Variants in NOTCH2NLC observed in about 807,000 individuals in gnomAD.
NOTCH2NLC encodes the protein notch 2 N-terminal like C, also known as notch homolog 2 N-terminal-like protein C.
In NOTCH2NLC, 4 loss-of-function variants were observed where a neutral mutation model predicts 17.7. That is an observed-to-expected ratio of 0.23 (90% CI 0.11 to 0.52). The LOEUF is 0.52. NOTCH2NLC is among the 20% of genes least tolerant of loss of function. NOTCH2NLC has a pLI of 0.96. For missense variants in NOTCH2NLC, 57 were observed against 207.2 expected, an observed-to-expected ratio of 0.28 and a Z score of 4.45; for synonymous variants, 18 against 86.0, an observed-to-expected ratio of 0.21 and a Z score of 4.38.
chr1:149,457,691 C>T (rs2084621441), intron 3 of NOTCH2NLC, among the ~76,000 whole-genome samples: 1 of 147,156 alleles, frequency 6.8e-6, no homozygotes, highest in East Asian at 2.0e-4. Flanking sequence ...GGGCAGGAAA[C>T]ATCCAGCACG....
Position 149,417,267 on chromosome 1 carries a change from G to A in NOTCH2NLC, c.136-13675G>A, listed in dbSNP as rs1317886306. 2.6e-3 allele frequency among the ~76,000 whole-genome samples: 391 copies of A among 150,240 alleles called. 10 individuals carry two copies. Among genetic ancestry groups the A allele is most frequent in the African/African-American group, 9.1e-3 (374 of 41,016 alleles). On this transcript the variant is annotated intron_variant, in intron 1 of 4. Transcript: ENST00000650865. Reference sequence around the variant, plus strand: ...TGGGATTACAGGTGCCCGCCACCACGCCCGCTAATTTTTTGTATTTTCAGT... The same window carrying A: ...TGGGATTACAGGTGCCCGCCACCACACCCGCTAATTTTTTGTATTTTCAGT...
At chr1:149,414,466 G>A (rs1437085174) in intron 1 of NOTCH2NLC, among the ~76,000 whole-genome samples, 2 of 150,636 alleles carry the variant, frequency 1.3e-5, no homozygotes, top group Admixed American at 1.3e-4. Context: ...GAGCGCATAT[G>A]TATCCTACTT....
chr1:149,466,539 G>A lies in NOTCH2NLC; in HGVS notation c.*2386G>A, dbSNP rs1365858587. 6.7e-6 allele frequency: 1 copy of A among 149,802 alleles called. No homozygotes were observed. Among genetic ancestry groups the A allele is most frequent in the Non-Finnish European group, 1.5e-5 (1 of 67,122 alleles). 9.3% of individuals were successfully genotyped at this position (149,802 alleles called of 1,614,324 possible). ...AATATTCAGTTCATTTCCACAAAGG[G>A]AAATAGTGCCTAGAGATGGTTTTCT... On this transcript the variant is annotated 3_prime_UTR_variant, in exon 5 of 5. Transcript: ENST00000650865.
At chr1:149,455,958 AAAAC>A (rs1410843060) in intron 3 of NOTCH2NLC, among the ~76,000 whole-genome samples, 3 of 129,928 alleles carry the variant, frequency 2.3e-5, no homozygotes, top group African/African-American at 5.8e-5. Flanking sequence ...GAATAAAAAT[AAAAC>A]AAAATTAGTC....
At chr1:149,437,697 T>G (rs2084490465) in intron 2 of NOTCH2NLC, among the ~76,000 whole-genome samples, 1 of 150,796 alleles carries the variant, frequency 6.6e-6, no homozygotes, top group Admixed American at 6.6e-5. Context: ...TCTCCTGACC[T>G]CATGATCTGC....
intron 1 of NOTCH2NLC, among the ~76,000 whole-genome samples, chr1:149,413,763 G>C (rs2084312994): frequency 6.6e-6 from 1 of 151,156 alleles, no homozygotes; most frequent in African/African-American, 2.4e-5. Flanking sequence ...TTAGGTGGGT[G>C]ATTTTGGTTT....
In NOTCH2NLC at chr1:149,390,834, G is replaced by GAGGCGGCGACCGAGA; in HGVS notation, c.50_64dup (p.Gly17_Glu21dup). ...GGCGGCGGCGGCGGCGGCGGCGGAG[G>GAGGCGGCGACCGAGA]AGGCGGCGACCGAGAAGATGCCCGC... On this transcript the variant is annotated inframe_insertion, in exon 1 of 5. Coordinates refer to ENST00000650865, the MANE Select transcript of NOTCH2NLC (RefSeq NM_001364013.2). 2 of 1,347,728 alleles carry GAGGCGGCGACCGAGA rather than the reference G, an allele frequency of 1.5e-6. No homozygotes were observed. The highest frequency in any genetic ancestry group is 1.9e-6 in the Non-Finnish European group (2 of 1,051,748). The allele number at this position is 1,347,728 out of a possible 1,614,324, so 83.5% of individuals were successfully genotyped here. A position where few individuals can be genotyped will look rare whatever the true frequency, so the allele number is the denominator to read the frequency against.
intron 1 of NOTCH2NLC, among the ~76,000 whole-genome samples, chr1:149,416,131 A>G (rs1280088903): frequency 8.9e-6 from 1 of 111,998 alleles, no homozygotes; most frequent in Non-Finnish European, 1.8e-5. Flanking sequence ...GATAAAATTT[A>G]TACTTTTAAT....
At chr1:149,424,893 G>T (rs1252393041) in intron 1 of NOTCH2NLC, among the ~76,000 whole-genome samples, 1 of 151,180 alleles carries the variant, frequency 6.6e-6, no homozygotes, top group Non-Finnish European at 1.5e-5. Flanking sequence ...ACATGGTAGC[G>T]AGAACTCACT....
chr1:149,402,018 G>GTA (rs1186284808), intron 1 of NOTCH2NLC, among the ~76,000 whole-genome samples: 2 of 142,066 alleles, frequency 1.4e-5, no homozygotes, highest in African/African-American at 5.2e-5. Context: ...TAGGTGACTT[G>GTA]TATACATTGT....
intron 1 of NOTCH2NLC, among the ~76,000 whole-genome samples, chr1:149,416,828 G>C (rs1445665012): frequency 6.9e-6 from 1 of 144,442 alleles, no homozygotes; most frequent in Non-Finnish European, 1.5e-5. Flanking sequence ...TGTGTAGGTA[G>C]GGGTGATGCT....
intron 1 of NOTCH2NLC, among the ~76,000 whole-genome samples, chr1:149,394,433 TATA>T (rs1200927177): frequency 1.3e-5 from 2 of 151,372 alleles, no homozygotes; most frequent in Non-Finnish European, 3.0e-5. Context: ...AGATATAGAA[TATA>T]ATGTCATTTC....
At chr1:149,399,208 CT>C (rs1212207448) in intron 1 of NOTCH2NLC, among the ~76,000 whole-genome samples, 19 of 151,210 alleles carry the variant, frequency 1.3e-4, no homozygotes, top group African/African-American at 4.6e-4. Flanking sequence ...TTGTTGTTTG[CT>C]TCTTTTTCAT....
Position 149,450,216 on chromosome 1 carries a change from T to G in NOTCH2NLC, c.210-5102T>G. On this transcript the variant is annotated intron_variant, in intron 2 of 4. Coordinates refer to ENST00000650865, the MANE Select transcript of NOTCH2NLC (RefSeq NM_001364013.2). ...TCCACCACATTGAAGACTGTTCTTTTGTTGAAGTAGTCAGCCAGTAATTTC... is the reference window on the plus strand; with the variant it reads ...TCCACCACATTGAAGACTGTTCTTTGGTTGAAGTAGTCAGCCAGTAATTTC... 1.4e-5 allele frequency among the ~76,000 whole-genome samples: 2 copies of G among 147,002 alleles called. 1 individual carries two copies. The highest frequency in any genetic ancestry group is 3.0e-5 in the Non-Finnish European group (2 of 66,338).
rs1395526651 is a variant in NOTCH2NLC at position 149,471,531 on chromosome 1, T to A, written c.*7378T>A. 6.6e-6 allele frequency among the ~76,000 whole-genome samples: 1 copy of A among 150,570 alleles called. No homozygotes were observed. The highest frequency in any genetic ancestry group is 2.0e-4 in the East Asian group (1 of 5,104). ...GATTCTTTTACATGTGGATATTTAG[T>A]TGTCCCAGGACCATTTGTTGAATTA... On this transcript the variant is annotated 3_prime_UTR_variant, in exon 5 of 5. Transcript: ENST00000650865.
intron 1 of NOTCH2NLC, among the ~76,000 whole-genome samples, chr1:149,429,707 G>T (rs2084433170): frequency 6.6e-6 from 1 of 151,296 alleles, no homozygotes; most frequent in Admixed American, 6.6e-5. Flanking sequence ...GTTGGTGGAG[G>T]AGTTGTTCTG....
intron 3 of NOTCH2NLC, among the ~76,000 whole-genome samples, chr1:149,457,562 G>A (rs1396342839): frequency 1.3e-5 from 2 of 148,436 alleles, no homozygotes; most frequent in South Asian, 2.2e-4. Context: ...ATAAAGGAGA[G>A]TTTGTTAAGT....
Position 149,471,669 on chromosome 1 carries a change from G to C in NOTCH2NLC, c.*7516G>C, listed in dbSNP as rs1375770763. On this transcript the variant is annotated 3_prime_UTR_variant, in exon 5 of 5. Coordinates refer to ENST00000650865, the MANE Select transcript of NOTCH2NLC (RefSeq NM_001364013.2). The stretch of plus-strand genomic sequence containing the variant: ...GCCCATAGGTACAGGCATGCTTTTT[G>C]GCATTATGAAAATATTCTGGAATTA... Among the ~76,000 whole-genome samples, 1 of 149,612 alleles carries C rather than the reference G, an allele frequency of 6.7e-6. No individual in the cohort carries two copies. The highest frequency in any genetic ancestry group is 1.5e-5 in the Non-Finnish European group (1 of 67,192).
intron 1 of NOTCH2NLC, among the ~76,000 whole-genome samples, chr1:149,427,525 G>A (rs1280821693): frequency 2.6e-5 from 2 of 76,710 alleles, no homozygotes; most frequent in Non-Finnish European, 5.0e-5. Context: ...TTGAGATGGA[G>A]TCTCTCTCTG....
Sources: allele counts gnomAD v4.1 joint callset (sites outside exome capture counted in the v4.1 genomes callset), GRCh38; gene constraint gnomAD v4.1.1; transcripts MANE v1.5; gene names NCBI Gene and HGNC (gene_info 2026-07-23, HGNC 2026-07-21).